EYS: variants seen among roughly 807,000 people sequenced by gnomAD.
The protein encoded by EYS is protein eyes shut homolog.
Under a neutral mutation model 282.1 loss-of-function variants are expected in EYS, and 250 were observed. The ratio of observed to expected loss-of-function variants is 0.89; its 90% confidence interval spans 0.80 to 0.98. The LOEUF is 0.98. Ranked by LOEUF, EYS falls within the 50% of genes least tolerant of loss-of-function variation. The pLI, the probability that EYS is intolerant of heterozygous loss-of-function variation, is 0.00. For synonymous variants in EYS, 1,355 were observed against 1,282.9 expected, an observed-to-expected ratio of 1.06 and a Z score of -1.20; for missense variants, 4,016 against 3,709.0, an observed-to-expected ratio of 1.08 and a Z score of -2.15.
chr6:65,388,647 T>C (rs1423877613), intron 7 of EYS, among the ~76,000 whole-genome samples: 3 of 152,048 alleles, frequency 2.0e-5, no homozygotes, highest in Admixed American at 2.0e-4. Context: ...TAGGAGATGG[T>C]GGCAGAGAGA....
intron 26 of EYS, among the ~76,000 whole-genome samples, chr6:64,450,116 C>T (rs959999853): frequency 2.6e-5 from 4 of 151,754 alleles, no homozygotes; most frequent in Admixed American, 1.3e-4. Context: ...AAACCCATCT[C>T]GCATGCAGAG....
In EYS at chr6:65,496,012, T is replaced by C. The variant is rs1766243482; in HGVS notation, c.-332-19A>G. The C allele has an allele frequency of 6.6e-6, 1 of 152,614 alleles. No homozygotes were observed. Among genetic ancestry groups the C allele is most frequent in the South Asian group, 2.1e-4 (1 of 4,876 alleles). 9.5% of individuals were successfully genotyped at this position (152,614 alleles called of 1,614,324 possible). ...AAAACACCTTTAAAACGTAGAAGAG[T>C]AAACACCATTTAAACATATTTTTCA... is the stretch of plus-strand genomic sequence containing the variant. On this transcript the variant is annotated intron_variant, in intron 2 of 42. Transcript: ENST00000503581.
chr6:65,055,064 C>G (rs1443184583), intron 13 of EYS, among the ~76,000 whole-genome samples: 1 of 152,018 alleles, frequency 6.6e-6, no homozygotes, highest in Non-Finnish European at 1.5e-5. Context: ...TCACAGAAGC[C>G]TCAACCTTAT....
At chr6:64,660,881 A>C (rs1233219686) in intron 22 of EYS, among the ~76,000 whole-genome samples, 1 of 152,352 alleles carries the variant, frequency 6.6e-6, no homozygotes, top group South Asian at 2.1e-4. Flanking sequence ...GAATTGGAAA[A>C]AACTACTTTA....
intron 2 of EYS, among the ~76,000 whole-genome samples, chr6:65,610,581 A>G (rs540236579): frequency 6.6e-6 from 1 of 152,122 alleles, no homozygotes; most frequent in Admixed American, 6.6e-5. Context: ...CATCCTATAT[A>G]TAAAGCAAAT....
At chr6:64,099,941 T>A (rs1772768308) in intron 31 of EYS, among the ~76,000 whole-genome samples, 1 of 152,218 alleles carries the variant, frequency 6.6e-6, no homozygotes, top group Non-Finnish European at 1.5e-5. Context: ...TTTTCCTTTT[T>A]GATTATTTGA....
intron 29 of EYS, among the ~76,000 whole-genome samples, chr6:64,340,872 A>G (rs770374341): frequency 2.0e-5 from 3 of 151,912 alleles, no homozygotes; most frequent in Non-Finnish European, 4.4e-5. Flanking sequence ...TCAACAAGCA[A>G]TAATCAAATA....
At chr6:64,175,968 G>T (rs893814001) in intron 31 of EYS, among the ~76,000 whole-genome samples, 1 of 152,128 alleles carries the variant, frequency 6.6e-6, no homozygotes, top group Non-Finnish European at 1.5e-5. Context: ...GAAGATAAGT[G>T]CTATGGGAAC....
rs201003176 is a variant in EYS, at chr6:64,310,809, G to GA, written c.6079-3728dup. On this transcript the variant is annotated intron_variant, in intron 29 of 42. Coordinates refer to ENST00000503581, the MANE Select transcript of EYS (RefSeq NM_001142800.2). ...GAGAAAGGGAACTGAGCATATGAGT[G>GA]AACAAAATGGGAAGACTGGACTGAA... Among the ~76,000 whole-genome samples the GA allele has an allele frequency of 8.6e-3, 1,315 of 152,230 alleles. 27 individuals carry two copies. The highest frequency in any genetic ancestry group is 0.029 in the African/African-American group (1,206 of 41,556).
At chr6:65,634,051 T>C (rs1193625943) in intron 2 of EYS, among the ~76,000 whole-genome samples, 1 of 152,260 alleles carries the variant, frequency 6.6e-6, no homozygotes, top group East Asian at 1.9e-4. Flanking sequence ...TTCCAGGAAA[T>C]GTTTTTAAAA....
At position 64,593,150 on chromosome 6, in the gene EYS, G is replaced by C. The variant is rs949204117; in HGVS notation, c.3844C>G (p.Pro1282Ala). Residue 1282 changes from proline (P) to alanine (A), a missense_variant, in exon 25 of 43, where the codon CCA becomes GCA. Coordinates refer to ENST00000503581, the MANE Select transcript of EYS (RefSeq NM_001142800.2). Reference sequence around the variant, plus strand: ...ACTGGGTAAGTGTCCATTATGGCTGGTATTCTAGTAGCCTTTATAGATGGA... The same window carrying C: ...ACTGGGTAAGTGTCCATTATGGCTGCTATTCTAGTAGCCTTTATAGATGGA... The part of the protein sequence containing the change: ...SFPSIKATRI[P>A]AIMDTYPVDQ... The C allele has an allele frequency of 1.9e-6, 3 of 1,541,844 alleles. No individual in the cohort carries two copies. Among genetic ancestry groups the C allele is most frequent in the Non-Finnish European group, 2.6e-6 (3 of 1,143,090 alleles).
intron 31 of EYS, among the ~76,000 whole-genome samples, chr6:64,190,691 C>T (rs1765076409): frequency 6.6e-6 from 1 of 152,074 alleles, no homozygotes; most frequent in South Asian, 2.1e-4. Flanking sequence ...TCTTTTGGCT[C>T]CCACTGCAAT....
intron 36 of EYS, chr6:63,857,715 C>T (rs1772431378): frequency 1.5e-5 from 6 of 398,394 alleles, no homozygotes; most frequent in Admixed American, 4.9e-5. Context: ...GACCTTTTTG[C>T]CATCCAATGC....
chr6:64,140,268 T>C (rs1391503728), intron 31 of EYS, among the ~76,000 whole-genome samples: 1 of 152,214 alleles, frequency 6.6e-6, no homozygotes, highest in African/African-American at 2.4e-5. Context: ...TCTGTACATA[T>C]CTAATAGTGA....
At chr6:65,278,890 C>T (rs1347583290) in intron 12 of EYS, among the ~76,000 whole-genome samples, 1 of 152,046 alleles carries the variant, frequency 6.6e-6, no homozygotes, top group Non-Finnish European at 1.5e-5. Context: ...TGAGGTGTTA[C>T]ATAATATGAT....
intron 2 of EYS, among the ~76,000 whole-genome samples, chr6:65,603,705 T>C (rs1765687255): frequency 6.6e-6 from 1 of 151,890 alleles, no homozygotes; most frequent in Non-Finnish European, 1.5e-5. Context: ...TTAATGAGCA[T>C]TATGAAAAAT....
At chr6:65,556,411 A>G (rs2351266) in intron 2 of EYS, among the ~76,000 whole-genome samples, 82,455 of 149,854 alleles carry the variant, frequency 0.55, 22,553 homozygotes, top group East Asian at 0.71. Context: ...GTGTGTGTGT[A>G]TGTGTGACTA....
intron 33 of EYS, among the ~76,000 whole-genome samples, chr6:64,053,046 A>G (rs1266608238): frequency 6.6e-6 from 1 of 152,188 alleles, no homozygotes; most frequent in Non-Finnish European, 1.5e-5. Flanking sequence ...GCAGCATATA[A>G]TAATTTATAA....
intron 2 of EYS, among the ~76,000 whole-genome samples, chr6:65,577,607 G>A (rs1052109409): frequency 6.6e-6 from 1 of 151,776 alleles, no homozygotes; most frequent in Non-Finnish European, 1.5e-5. Flanking sequence ...TTTCTGCACT[G>A]CAAAGGAAAC....
Sources: allele counts gnomAD v4.1 joint callset (sites outside exome capture counted in the v4.1 genomes callset), GRCh38; gene constraint gnomAD v4.1.1; transcripts MANE v1.5; gene names NCBI Gene and HGNC (gene_info 2026-07-23, HGNC 2026-07-21).